The following KRT36 variants were observed in gnomAD, a reference collection of about 807,000 sequenced individuals.
KRT36 encodes keratin 36, also known as keratin, type I cuticular Ha6.
In KRT36, 41 loss-of-function variants were observed where a neutral mutation model predicts 43.0. That is an observed-to-expected ratio of 0.95 (90% CI 0.74 to 1.24). The LOEUF (loss-of-function observed/expected upper bound fraction) is 1.24, where lower values mean the gene tolerates loss of function less well. Ranked by LOEUF, KRT36 falls within the 50% of genes most tolerant of loss-of-function variation. The probability of loss-of-function intolerance (pLI) is 0.00; values close to 1 mark genes in which losing one functional copy is unlikely to be tolerated. For synonymous variants in KRT36, 277 were observed against 252.9 expected, an observed-to-expected ratio of 1.10 and a Z score of -0.90; for missense variants, 627 against 595.3, an observed-to-expected ratio of 1.05 and a Z score of -0.55.
intron 1 of KRT36, 120 bp downstream of exon 1, chr17:41,489,286 G>GTT: frequency 1.8e-6 from 2 of 1,101,704 alleles, no homozygotes; most frequent in Non-Finnish European, 2.6e-6. Context: ...AGAGAGAAAA[G>GTT]TTTGCCCTAC....
rs1346029070 is a variant in KRT36 at position 41,487,000 on chromosome 17, CA to C, written c.1157del (p.Leu386ArgfsTer136). On this transcript the variant is annotated frameshift_variant, in exon 6 of 7. Coordinates refer to ENST00000328119, the MANE Select transcript of KRT36 (RefSeq NM_003771.5). LOFTEE classifies it high-confidence loss of function. Reference protein sequence around the residue: ...YQVLLDVKARLEGEIATYRHL... With the variant: ...YQVLLDVKARXEGEIATYRHL... The stretch of plus-strand genomic sequence containing the variant: ...GGCGGTAGGTAGCGATCTCGCCCTC[CA>C]GCCGGGCCTTGACGTCCAGTAACAC... 1.2e-6 allele frequency: 2 copies of C among 1,613,896 alleles called. No homozygotes were observed. The highest frequency in any genetic ancestry group is 2.7e-5 in the African/African-American group (2 of 74,922).
chr17:41,487,061 C>G lies in KRT36; in HGVS notation c.1097G>C (p.Arg366Pro). ...CTGGTTCTGCCGCTCCAGGTCGCAG[C>G]GGATCTCAGACAGCTGGGCCTCCAC... ...SNVEAQLSEI[R>P]CDLERQNQEY... Residue 366 changes from arginine (R) to proline (P), a missense_variant, in exon 6 of 7, where the codon CGC (arginine) becomes CCC (proline). By Grantham distance (103) the Arg-to-Pro change is moderately radical (BLOSUM62 -2). Coordinates refer to ENST00000328119, the MANE Select transcript of KRT36 (RefSeq NM_003771.5). 6.2e-7 allele frequency: 1 copy of G among 1,614,220 alleles called. No individual in the cohort carries two copies. Among genetic ancestry groups the G allele is most frequent in the East Asian group, 2.2e-5 (1 of 44,888 alleles).
rs1904400893 is a variant in KRT36 at position 41,486,976 on chromosome 17, G to C, written c.1182C>G (p.Arg394=). The change falls in exon 6 of 7, where the codon CGC becomes CGG. Residue 394 remains arginine (R), a synonymous_variant. Coordinates refer to ENST00000328119, the MANE Select transcript of KRT36 (RefSeq NM_003771.5). ...ARLEGEIATY[R]HLLEGEDCKL... ...TGCAGTCCTCTCCCTCCAGCAGGTG[G>C]CGGTAGGTAGCGATCTCGCCCTCCA... 1 of 1,613,242 alleles carries C rather than the reference G, an allele frequency of 6.2e-7. No homozygotes were observed. Among genetic ancestry groups the C allele is most frequent in the Non-Finnish European group, 8.5e-7 (1 of 1,179,960 alleles).
chr17:41,489,277 G>C, intron 1 of KRT36, 129 bp downstream of exon 1: 3 of 992,142 alleles, frequency 3.0e-6, no homozygotes, highest in African/African-American at 1.6e-5. Context: ...CAAAGCCCTA[G>C]AGAGAAAAGT....
In KRT36 at chr17:41,486,956, T is replaced by C. The variant is rs1246754546; in HGVS notation, c.1202A>G (p.Asp401Gly). The C allele has an allele frequency of 6.2e-7, 1 of 1,612,112 alleles. No homozygotes were observed. Among genetic ancestry groups the C allele is most frequent in the Admixed American group, 1.7e-5 (1 of 60,014 alleles). Residue 401 changes from aspartate (D) to glycine (G), a missense_variant, in exon 6 of 7, where the codon GAC becomes GGC. Physicochemically the swap from Asp to Gly is moderately conservative, Grantham distance 94. Transcript: ENST00000328119. Reference sequence around the variant, plus strand: ...CAGCCCAAGGGCCACTCACTTGCAGTCCTCTCCCTCCAGCAGGTGGCGGTA... The same window carrying C: ...CAGCCCAAGGGCCACTCACTTGCAGCCCTCTCCCTCCAGCAGGTGGCGGTA... ...ATYRHLLEGEDCKLPPQPCAT... is the reference protein window; with the variant it reads ...ATYRHLLEGEGCKLPPQPCAT...
In KRT36 at chr17:41,487,060, G is replaced by GCC. The variant is rs1904406606; in HGVS notation, c.1097_1098insGG (p.Cys367AlafsTer156). Reference sequence around the variant, plus strand: ...CCTGGTTCTGCCGCTCCAGGTCGCAGCGGATCTCAGACAGCTGGGCCTCCA... The same window carrying GCC: ...CCTGGTTCTGCCGCTCCAGGTCGCAGCCCGGATCTCAGACAGCTGGGCCTCCA... On this transcript the variant is annotated frameshift_variant, in exon 6 of 7. Transcript: ENST00000328119. LOFTEE classifies it high-confidence loss of function. 1 of 1,614,104 alleles carries GCC rather than the reference G, an allele frequency of 6.2e-7. No homozygotes were observed. Among genetic ancestry groups the GCC allele is most frequent in the Non-Finnish European group, 8.5e-7 (1 of 1,180,038 alleles).
Position 41,487,018 on chromosome 17 carries a change from C to T in KRT36, c.1140G>A (p.Leu380=). ...ERQNQEYQVL[L]DVKARLEGEI... ...CGCCCTCCAGCCGGGCCTTGACGTC[C>T]AGTAACACCTGGTACTCCTGGTTCT... The change falls in exon 6 of 7, where the codon CTG becomes CTA. Residue 380 remains leucine (L), a synonymous_variant. Coordinates refer to ENST00000328119, the MANE Select transcript of KRT36 (RefSeq NM_003771.5). 1 of 1,614,138 alleles carries T rather than the reference C, an allele frequency of 6.2e-7. No homozygotes were observed. Among genetic ancestry groups the T allele is most frequent in the Non-Finnish European group, 8.5e-7 (1 of 1,180,030 alleles).
intron 6 of KRT36, 93 bp downstream of exon 6, chr17:41,486,857 C>A: frequency 8.3e-7 from 1 of 1,206,402 alleles, no homozygotes; most frequent in Non-Finnish European, 1.2e-6. Flanking sequence ...GTTTAGTTCC[C>A]TTCATCTGGG....
chr17:41,488,603 G>A (rs368531890), intron 2 of KRT36, 39 bp downstream of exon 2: 42 of 1,592,178 alleles, frequency 2.6e-5, no homozygotes, highest in Non-Finnish European at 3.4e-5. Flanking sequence ...AGAGGCAAGG[G>A]AGTGGCATGG....
Position 41,489,387 on chromosome 17 carries a change from G to A in KRT36, c.459+19C>T. 1 of 1,608,482 alleles carries A rather than the reference G, an allele frequency of 6.2e-7. No individual in the cohort carries two copies. The highest frequency in any genetic ancestry group is 1.1e-5 in the South Asian group (1 of 90,658). ...AAGAGTTGGGCTGCTCAGCTGGAAA[G>A]GGGCCAGGTCTCCCTCACCTTCTGC... On this transcript the variant is annotated intron_variant, in intron 1 of 6. Coordinates refer to ENST00000328119, the MANE Select transcript of KRT36 (RefSeq NM_003771.5).
At chr17:41,487,502 C>T in intron 4 of KRT36, 26 bp from the exon 5 acceptor site, 1 of 1,613,634 alleles carries the variant, frequency 6.2e-7, no homozygotes, top group Non-Finnish European at 8.5e-7. Flanking sequence ...GGGCCCAGAG[C>T]ATGGTCAAAC....
Position 41,488,346 on chromosome 17 carries a change from A to G in KRT36, c.596T>C (p.Leu199Pro). 1.2e-6 allele frequency: 2 copies of G among 1,614,162 alleles called. No individual in the cohort carries two copies. The highest frequency in any genetic ancestry group is 8.5e-7 in the Non-Finnish European group (1 of 1,180,026). The change falls in exon 3 of 7, where the codon CTG becomes CCG. Residue 199 changes from leucine (L) to proline (P), a missense_variant. Coordinates refer to ENST00000328119, the MANE Select transcript of KRT36 (RefSeq NM_003771.5). ...GGTCAGCTCATCCAGGATCCTACGC[A>G]GGCCGTTGATGTCGGCCTCCACTAG... Reference protein sequence around the residue: ...RQLVEADINGLRRILDELTLC... With the variant: ...RQLVEADINGPRRILDELTLC...
chr17:41,487,756 A>G lies in KRT36; in HGVS notation c.700-19T>C, dbSNP rs1441138607. 6.3e-7 allele frequency: 1 copy of G among 1,594,744 alleles called. No individual in the cohort carries two copies. The highest frequency in any genetic ancestry group is 8.6e-7 in the Non-Finnish European group (1 of 1,167,164). On this transcript the variant is annotated intron_variant, in intron 3 of 6. Coordinates refer to ENST00000328119, the MANE Select transcript of KRT36 (RefSeq NM_003771.5). ...TGACTTCCTGCAGAGAGGAGGCAAG[A>G]CGGCATGAGGTTGTGAAAAAGATGC...
rs543479307 is a variant in KRT36 at position 41,486,988 on chromosome 17, G to T, written c.1170C>A (p.Ile390=). The change falls in exon 6 of 7, where the codon ATC becomes ATA. Residue 390 remains isoleucine, a synonymous_variant. Transcript: ENST00000328119. Reference sequence around the variant, plus strand: ...CCTCCAGCAGGTGGCGGTAGGTAGCGATCTCGCCCTCCAGCCGGGCCTTGA... The same window carrying T: ...CCTCCAGCAGGTGGCGGTAGGTAGCTATCTCGCCCTCCAGCCGGGCCTTGA... ...LDVKARLEGE[I]ATYRHLLEGE... The T allele has an allele frequency of 1.2e-6, 2 of 1,613,652 alleles. No individual in the cohort carries two copies. The highest frequency in any genetic ancestry group is 1.3e-5 in the African/African-American group (1 of 74,908).
rs188627683 is a variant in KRT36 at position 41,488,265 on chromosome 17, C to A, written c.677G>T (p.Cys226Phe). ...QVESLKEELM[C>F]LKKNHEEEVS... ...CACCTCCTCGTGATTCTTCTTGAGG[C>A]ACATCAGCTCCTCCTTCAGGGACTC... The change falls in exon 3 of 7, where the codon TGC becomes TTC. Residue 226 changes from cysteine to phenylalanine, a missense_variant. Coordinates refer to ENST00000328119, the MANE Select transcript of KRT36 (RefSeq NM_003771.5). The A allele has an allele frequency of 9.4e-5, 152 of 1,614,018 alleles. No homozygotes were observed. The East Asian group carries it at 3.2e-3, about 34-fold the overall frequency.
rs138564895 is a variant in KRT36 at position 41,488,306 on chromosome 17, G to T, written c.636C>A (p.Asp212Glu). 10 of 1,614,028 alleles carry T rather than the reference G, an allele frequency of 6.2e-6. No homozygotes were observed. The African/African-American group carries it at 1.2e-4, about 19-fold the overall frequency. Residue 212 changes from aspartate (D) to glutamate (E), a missense_variant, in exon 3 of 7, where the codon GAC becomes GAA. By Grantham distance (45) the Asp-to-Glu change is conservative (BLOSUM62 2). Transcript: ENST00000328119. ...TCAGGGACTCCACCTGAGCCTCCAGGTCAGCCTTGCACAGGGTCAGCTCAT... is the reference window on the plus strand; with the variant it reads ...TCAGGGACTCCACCTGAGCCTCCAGTTCAGCCTTGCACAGGGTCAGCTCAT... The part of the protein sequence containing the change: ...ILDELTLCKA[D>E]LEAQVESLKE...
chr17:41,489,411 G>T lies in KRT36; in HGVS notation c.454C>A (p.Gln152Lys), dbSNP rs1037597636. Residue 152 changes from glutamine to lysine, a missense_variant, in exon 1 of 7, where the codon CAG (glutamine) becomes AAG (lysine). By Grantham distance (53) the Gln-to-Lys change is moderately conservative (BLOSUM62 1). Coordinates refer to ENST00000328119, the MANE Select transcript of KRT36 (RefSeq NM_003771.5). ...SYFKTIEDFQ[Q>K]KILLTKSENA... is the part of the protein sequence containing the mutation. ...AGGGGCCAGGTCTCCCTCACCTTCTGCTGGAAATCTTCGATGGTCTTGAAG... is the reference window on the plus strand; with the variant it reads ...AGGGGCCAGGTCTCCCTCACCTTCTTCTGGAAATCTTCGATGGTCTTGAAG... 7 of 1,608,466 alleles carry T rather than the reference G, an allele frequency of 4.4e-6. No individual in the cohort carries two copies. The highest frequency in any genetic ancestry group is 6.0e-6 in the Non-Finnish European group (7 of 1,175,174).
intron 6 of KRT36, 79 bp from the exon 7 acceptor site, chr17:41,486,650 T>G: frequency 8.5e-7 from 1 of 1,181,164 alleles, no homozygotes; most frequent in Non-Finnish European, 1.2e-6. Flanking sequence ...ATCTAGAGGA[T>G]CAAGCGAGAC....
In KRT36 at chr17:41,486,346, G is replaced by T; in HGVS notation, c.*30C>A. ...AGGGGTGTCCTCCTTCCTGTGGTCA[G>T]GGCCCTGCCCTGGTGGACCAAGTGG... is the stretch of plus-strand genomic sequence containing the variant. On this transcript the variant is annotated 3_prime_UTR_variant, in exon 7 of 7. Transcript: ENST00000328119. 6.2e-7 allele frequency: 1 copy of T among 1,604,242 alleles called. No homozygotes were observed. Among genetic ancestry groups the T allele is most frequent in the East Asian group, 2.2e-5 (1 of 44,816 alleles).
Sources: allele counts gnomAD v4.1 joint callset, GRCh38; gene constraint gnomAD v4.1.1; transcripts MANE v1.5; gene names NCBI Gene and HGNC (gene_info 2026-07-23, HGNC 2026-07-21).